MAP4K4: variants seen among roughly 807,000 people sequenced by gnomAD.
The protein encoded by MAP4K4 is mitogen-activated protein kinase kinase kinase kinase 4, also known as HPK/GCK-like kinase HGK.
MAP4K4 carries 38 observed loss-of-function variants against 189.6 expected under a neutral mutation model. The ratio of observed to expected loss-of-function variants is 0.20; its 90% CI spans 0.15 to 0.26. MAP4K4 has a LOEUF of 0.26. Among genes scored for constraint, MAP4K4 ranks in the 10% least tolerant of loss-of-function variants. The pLI is 1.00. For synonymous variants in MAP4K4, 610 were observed against 624.3 expected, an observed-to-expected ratio of 0.98 and a Z score of 0.34; for missense variants, 1,054 against 1,726.9, an observed-to-expected ratio of 0.61 and a Z score of 6.91.
Position 101,716,045 on chromosome 2 carries a change from T to C in MAP4K4, c.123+17507T>C, listed in dbSNP as rs186283681. On this transcript the variant is annotated intron_variant, in intron 2 of 32. Transcript: ENST00000324219. ...TCTCCCACCACTGCCACCCCCTGCC[T>C]ACCTTCATGGAAAAAGTTTCTTCAT... Among the ~76,000 whole-genome samples, 6 of 152,334 alleles carry C rather than the reference T, an allele frequency of 3.9e-5. No homozygotes were observed. The East Asian group carries it at 9.6e-4, about 24-fold the overall frequency.
exon 1 of MAP4K4, chr2:101,698,028 C>T: frequency 1.6e-6 from 2 of 1,233,096 alleles, no homozygotes; most frequent in East Asian, 6.3e-5. Flanking sequence ...CTGAGATACA[C>T]AGAGCGACAG....
At chr2:101,826,212 C>T (rs1435249941) in intron 5 of MAP4K4, among the ~76,000 whole-genome samples, 2 of 151,840 alleles carry the variant, frequency 1.3e-5, no homozygotes, top group Non-Finnish European at 2.9e-5. Flanking sequence ...TTAGGCTTCC[C>T]CCACTAATAA....
chr2:101,721,270 G>C (rs2051756364), intron 2 of MAP4K4, among the ~76,000 whole-genome samples: 1 of 152,070 alleles, frequency 6.6e-6, no homozygotes, highest in African/African-American at 2.4e-5. Context: ...CTTCTGAATG[G>C]CTTTGGAGAG....
intron 2 of MAP4K4, among the ~76,000 whole-genome samples, chr2:101,733,739 G>T (rs4343484): frequency 0.14 from 20,600 of 152,248 alleles, 1,760 homozygotes; most frequent in South Asian, 0.28. Flanking sequence ...GCCTCGTGTA[G>T]TGCCAGCCAG....
At chr2:101,804,074 A>G (rs760931103) in intron 3 of MAP4K4, among the ~76,000 whole-genome samples, 2 of 152,198 alleles carry the variant, frequency 1.3e-5, no homozygotes, top group Non-Finnish European at 2.9e-5. Flanking sequence ...AAATCCCCTT[A>G]GAAAGCTGCC....
At chr2:101,699,081 G>A (rs1475030795) in intron 2 of MAP4K4, among the ~76,000 whole-genome samples, 1 of 152,186 alleles carries the variant, frequency 6.6e-6, no homozygotes, top group African/African-American at 2.4e-5. Context: ...GAAGCAGGGA[G>A]GAGTGTGTGT....
At chr2:101,795,887 A>G (rs914365239) in intron 3 of MAP4K4, among the ~76,000 whole-genome samples, 10 of 152,346 alleles carry the variant, frequency 6.6e-5, no homozygotes, top group African/African-American at 2.2e-4. Context: ...TAAAGTTCAC[A>G]GTATTATAAT....
chr2:101,776,339 G>A (rs1471148886), intron 2 of MAP4K4, among the ~76,000 whole-genome samples: 1 of 152,066 alleles, frequency 6.6e-6, no homozygotes, highest in African/African-American at 2.4e-5. Context: ...GGCTTTTCAG[G>A]TTCACGTGTG....
chr2:101,725,989 T>C (rs543316010), intron 2 of MAP4K4, among the ~76,000 whole-genome samples: 15,137 of 152,240 alleles, frequency 0.099, 2,144 homozygotes, highest in African/African-American at 0.32. Flanking sequence ...CTTATGAGTC[T>C]CCTGCATATC....
intron 2 of MAP4K4, among the ~76,000 whole-genome samples, chr2:101,784,112 A>G (rs2089304597): frequency 6.6e-6 from 1 of 152,166 alleles, no homozygotes; most frequent in Non-Finnish European, 1.5e-5. Context: ...CGCAGCCACC[A>G]TGGTGGGTCC....
chr2:101,846,998 A>T (rs1364075567), intron 12 of MAP4K4, among the ~76,000 whole-genome samples: 1 of 152,228 alleles, frequency 6.6e-6, no homozygotes, highest in Non-Finnish European at 1.5e-5. Context: ...TACTATTTGC[A>T]TATAACCTGT....
intron 27 of MAP4K4, among the ~76,000 whole-genome samples, chr2:101,879,759 A>T (rs2098329225): frequency 6.6e-6 from 1 of 150,646 alleles, no homozygotes; most frequent in African/African-American, 2.4e-5. Context: ...TGAACATGTT[A>T]GGTTGATTTT....
chr2:101,832,840 G>T (rs545007947), intron 7 of MAP4K4, among the ~76,000 whole-genome samples: 3 of 147,964 alleles, frequency 2.0e-5, no homozygotes, highest in East Asian at 4.1e-4. Context: ...TTTCTGAAGA[G>T]CCTGGGCCTG....
chr2:101,768,187 T>G (rs1052719485), intron 2 of MAP4K4, among the ~76,000 whole-genome samples: 4 of 152,262 alleles, frequency 2.6e-5, no homozygotes, highest in Non-Finnish European at 5.9e-5. Flanking sequence ...GGCACTAAAG[T>G]GACTTAAAAA....
Position 101,871,698 on chromosome 2 carries a change from C to T in MAP4K4, c.2952+13C>T. 2.0e-6 allele frequency: 3 copies of T among 1,533,860 alleles called. No individual in the cohort carries two copies. The highest frequency in any genetic ancestry group is 1.7e-6 in the Non-Finnish European group (2 of 1,145,030). On this transcript the variant is annotated intron_variant, in intron 24 of 32. Coordinates refer to ENST00000324219, the Ensembl canonical transcript of MAP4K4. The stretch of plus-strand genomic sequence containing the variant: ...CACTGCTAATGAGGTATGTCTCGCA[C>T]CACAGCTGGCTGCTTTCCTGGGGTT...
chr2:101,779,981 C>A (rs1558884802), intron 2 of MAP4K4, among the ~76,000 whole-genome samples: 1 of 152,154 alleles, frequency 6.6e-6, no homozygotes, highest in Non-Finnish European at 1.5e-5. Context: ...AACCGTGCTA[C>A]TGGCTGCAAC....
At chr2:101,878,961 A>G (rs949143967) in intron 27 of MAP4K4, among the ~76,000 whole-genome samples, 1 of 152,060 alleles carries the variant, frequency 6.6e-6, no homozygotes, top group African/African-American at 2.4e-5. Flanking sequence ...GTGCTGATGG[A>G]TGGTAGTTTT....
Position 101,871,648 on chromosome 2 carries a change from C to T in MAP4K4, c.2915C>T (p.Ser972Phe), listed in dbSNP as rs752215486. The stretch of plus-strand genomic sequence containing the variant: ...TCCAGCCAGCCGACACCCACCATGT[C>T]CCCACAGACACCCCAGGACAAGCTC... Residue 972 changes from serine to phenylalanine, a missense_variant, in exon 24 of 33, where the codon TCC (serine) becomes TTC (phenylalanine). This residue lies in a region of MAP4K4 where 646 missense variants were observed against 796.2 expected (regional missense o/e 0.81). Transcript: ENST00000324219. 25 of 1,536,712 alleles carry T rather than the reference C, an allele frequency of 1.6e-5. No homozygotes were observed. The African/African-American group carries it at 2.9e-4, about 18-fold the overall frequency.
At chr2:101,762,112 A>G (rs982359714) in intron 2 of MAP4K4, among the ~76,000 whole-genome samples, 1 of 152,218 alleles carries the variant, frequency 6.6e-6, no homozygotes, top group Non-Finnish European at 1.5e-5. Flanking sequence ...ATTAGAAGGT[A>G]TATGGGTGGA....
Sources: allele counts gnomAD v4.1 joint callset (sites outside exome capture counted in the v4.1 genomes callset), GRCh38; gene constraint gnomAD v4.1.1; regional missense constraint gnomAD v4.1.1; transcripts MANE v1.5; gene names NCBI Gene and HGNC (gene_info 2026-07-23, HGNC 2026-07-21).